The following SGCZ variants were observed in gnomAD, a reference collection of about 807,000 sequenced individuals.
SGCZ encodes the protein sarcoglycan zeta, also known as zeta-sarcoglycan.
Under a neutral mutation model 41.3 loss-of-function variants are expected in SGCZ, and 40 were observed. The ratio of observed to expected loss-of-function variants is 0.97; its 90% CI spans 0.75 to 1.26. SGCZ has a LOEUF of 1.26. Among genes scored for constraint, SGCZ ranks in the 50% most tolerant of loss-of-function variants. The probability of loss-of-function intolerance (pLI) is 0.00; values close to 1 mark genes in which losing one functional copy is unlikely to be tolerated. For synonymous variants in SGCZ, 206 were observed against 137.5 expected (o/e 1.50, Z -3.49); for missense variants, 552 against 369.8 (o/e 1.49, Z -4.04).
intron 1 of SGCZ, among the ~76,000 whole-genome samples, chr8:14,958,212 G>A (rs975455158): frequency 6.6e-6 from 1 of 151,300 alleles, no homozygotes; most frequent in Non-Finnish European, 1.5e-5. Context: ...ATATTCTGAT[G>A]AGTAAAAAAG....
intron 3 of SGCZ, among the ~76,000 whole-genome samples, chr8:14,313,823 T>C (rs917194351): frequency 6.6e-6 from 1 of 152,176 alleles, no homozygotes; most frequent in Non-Finnish European, 1.5e-5. Flanking sequence ...TGAGCTGATA[T>C]GTGCTTCCTG....
intron 1 of SGCZ, among the ~76,000 whole-genome samples, chr8:15,211,516 C>G (rs1009528318): frequency 6.6e-6 from 1 of 152,132 alleles, no homozygotes; most frequent in Admixed American, 6.6e-5. Context: ...GCCTCCAATG[C>G]AACAGTCAAA....
chr8:14,187,879 A>G (rs2117038596), intron 4 of SGCZ, among the ~76,000 whole-genome samples: 1 of 152,304 alleles, frequency 6.6e-6, no homozygotes, highest in East Asian at 1.9e-4. Context: ...AGACCCACAC[A>G]TGGATGCATC....
At chr8:14,591,574 ATTTAT>A (rs1469397244) in intron 1 of SGCZ, among the ~76,000 whole-genome samples, 2 of 152,090 alleles carry the variant, frequency 1.3e-5, no homozygotes, top group African/African-American at 4.8e-5. Context: ...TATTCTTCAA[ATTTAT>A]TTTAAGAATC....
chr8:14,287,663 C>T (rs932367654), intron 3 of SGCZ, among the ~76,000 whole-genome samples: 20 of 152,128 alleles, frequency 1.3e-4, no homozygotes, highest in South Asian at 8.3e-4. Context: ...ATATGACAGT[C>T]AGGTTTTTAA....
At chr8:15,052,617 C>T (rs1804555263) in intron 1 of SGCZ, among the ~76,000 whole-genome samples, 1 of 151,990 alleles carries the variant, frequency 6.6e-6, no homozygotes, top group South Asian at 2.1e-4. Flanking sequence ...GAGATGTTCC[C>T]TAAAGCTCGT....
At chr8:14,222,360 G>A (rs1806226688) in intron 4 of SGCZ, among the ~76,000 whole-genome samples, 1 of 151,866 alleles carries the variant, frequency 6.6e-6, no homozygotes, top group Non-Finnish European at 1.5e-5. Flanking sequence ...AGTAGAAACG[G>A]GGTTTCACTA....
chr8:14,852,257 G>A (rs1341768722), intron 1 of SGCZ, among the ~76,000 whole-genome samples: 5 of 152,112 alleles, frequency 3.3e-5, no homozygotes, highest in Admixed American at 3.3e-4. Flanking sequence ...ATTGCCTTAT[G>A]TTCAAGTCCA....
intron 2 of SGCZ, among the ~76,000 whole-genome samples, chr8:14,548,477 G>A (rs1484994519): frequency 1.3e-5 from 2 of 152,010 alleles, no homozygotes; most frequent in African/African-American, 2.4e-5. Context: ...TTTAGTTGTG[G>A]GTTTTTGAGA....
chr8:14,727,005 C>T (rs73529254), intron 1 of SGCZ, among the ~76,000 whole-genome samples: 13,493 of 152,012 alleles, frequency 0.089, 1,308 homozygotes, highest in African/African-American at 0.24. Context: ...AAAGACACCA[C>T]TGAGATGTTA....
rs114401253 is a variant in SGCZ, at chr8:15,089,069, C to T, written c.39+148516G>A. Among the ~76,000 whole-genome samples the T allele has an allele frequency of 5.5e-3, 833 of 152,148 alleles. 7 individuals carry two copies. The highest frequency in any genetic ancestry group is 0.019 in the African/African-American group (789 of 41,504). ...TTATTGCTATTAGCAGTGGAAAAAA[C>T]GATCTCCAACTTACTGAAAGTCTAA... On this transcript the variant is annotated intron_variant, in intron 1 of 7. Coordinates refer to ENST00000382080, the MANE Select transcript of SGCZ (RefSeq NM_139167.4).
At chr8:14,605,412 G>A (rs1481415249) in intron 1 of SGCZ, among the ~76,000 whole-genome samples, 3 of 152,012 alleles carry the variant, frequency 2.0e-5, no homozygotes, top group East Asian at 3.9e-4. Context: ...ACCAACAATC[G>A]AATTACACTC....
At chr8:14,751,685 A>T (rs1429773967) in intron 1 of SGCZ, among the ~76,000 whole-genome samples, 1 of 152,126 alleles carries the variant, frequency 6.6e-6, no homozygotes, top group Non-Finnish European at 1.5e-5. Context: ...AGTAGCTGTG[A>T]CTACAGGTAC....
intron 2 of SGCZ, among the ~76,000 whole-genome samples, chr8:14,523,195 A>C (rs1802841709): frequency 6.6e-6 from 1 of 152,042 alleles, no homozygotes; most frequent in South Asian, 2.1e-4. Context: ...ATAAAATATA[A>C]TTTAGAAAAC....
At chr8:14,348,894 A>T (rs1401500365) in intron 2 of SGCZ, among the ~76,000 whole-genome samples, 1 of 152,138 alleles carries the variant, frequency 6.6e-6, no homozygotes, top group Non-Finnish European at 1.5e-5. Flanking sequence ...TACCTAAAAC[A>T]CTTTTAGGAT....
At chr8:14,419,456 G>A (rs891235148) in intron 2 of SGCZ, among the ~76,000 whole-genome samples, 1 of 151,344 alleles carries the variant, frequency 6.6e-6, no homozygotes, top group African/African-American at 2.4e-5. Flanking sequence ...TTATACTTTT[G>A]CTATCCTCTA....
At chr8:14,546,773 C>G (rs1339443088) in intron 2 of SGCZ, among the ~76,000 whole-genome samples, 1 of 151,962 alleles carries the variant, frequency 6.6e-6, no homozygotes, top group Non-Finnish European at 1.5e-5. Flanking sequence ...AGGAAGTAAA[C>G]CATTTTTTGA....
At chr8:14,744,191 A>C (rs571993147) in intron 1 of SGCZ, among the ~76,000 whole-genome samples, 2 of 152,204 alleles carry the variant, frequency 1.3e-5, no homozygotes, top group Non-Finnish European at 1.5e-5. Context: ...GGAAAAGAGC[A>C]GAGATAAAGA....
intron 3 of SGCZ, among the ~76,000 whole-genome samples, chr8:14,306,473 T>C (rs565295719): frequency 6.6e-6 from 1 of 152,284 alleles, no homozygotes; most frequent in East Asian, 1.9e-4. Flanking sequence ...CTAGATTGGA[T>C]TATTTTCCAG....
Sources: gnomAD v4.1 joint callset for allele counts (sites outside exome capture counted in the v4.1 genomes callset) on GRCh38, gnomAD v4.1.1 for gene constraint, MANE v1.5 for transcripts, NCBI Gene and HGNC (gene_info 2026-07-23, HGNC 2026-07-21) for gene names.